Variants in COL24A1 observed in about 807,000 individuals in gnomAD.
COL24A1 encodes collagen alpha-1(XXIV) chain.
Under a neutral mutation model 253.9 loss-of-function variants are expected in COL24A1, and 224 were observed. The observed-to-expected ratio is 0.88, with a 90% CI of 0.79 to 0.99. The LOEUF is 0.99. Ranked by LOEUF, COL24A1 falls within the 50% of genes least tolerant of loss-of-function variation. COL24A1 has a pLI of 0.00. For missense variants in COL24A1, 2,131 were observed against 2,068.5 expected, an observed-to-expected ratio of 1.03 and a Z score of -0.59; for synonymous variants, 685 against 673.7, an observed-to-expected ratio of 1.02 and a Z score of -0.26.
rs774839476 is a variant in COL24A1, at chr1:85,740,953, CA to C, written c.4673-3449del. On this transcript the variant is annotated intron_variant, in intron 57 of 59. Transcript: ENST00000370571. ...TGAAACCCTGTCTCTTCTAAAAATA[CA>C]AAAAAAAAAAAAAAATTAGCTGGGC... is the stretch of plus-strand genomic sequence containing the variant. 1.9e-3 allele frequency among the ~76,000 whole-genome samples: 156 copies of C among 83,032 alleles called. 4 individuals are homozygous for C. The highest frequency in any genetic ancestry group is 6.4e-3 in the African/African-American group (142 of 22,328). The allele number at this position is 83,032 out of a possible 152,430, so 54.5% of individuals were successfully genotyped here. A position where few individuals can be genotyped will look rare whatever the true frequency, so the allele number is the denominator to read the frequency against.
intron 35 of COL24A1, among the ~76,000 whole-genome samples, chr1:85,872,634 T>C (rs758068082): frequency 2.6e-5 from 4 of 152,134 alleles, no homozygotes; most frequent in Non-Finnish European, 5.9e-5. Flanking sequence ...TGGCTAGCCA[T>C]ATGTAGAAAG....
At chr1:86,009,581 T>C (rs554021544) in intron 19 of COL24A1, among the ~76,000 whole-genome samples, 1 of 152,172 alleles carries the variant, frequency 6.6e-6, no homozygotes, top group South Asian at 2.1e-4. Context: ...AATGGTACAG[T>C]AAAAATGTAG....
chr1:85,775,270 T>C (rs1668421547), intron 53 of COL24A1, among the ~76,000 whole-genome samples: 4 of 152,190 alleles, frequency 2.6e-5, no homozygotes, highest in South Asian at 4.1e-4. Flanking sequence ...TTACATTTGC[T>C]GAGGAGTGTT....
At position 86,031,897 on chromosome 1, in the gene COL24A1, G is replaced by A. The variant is rs762501445; in HGVS notation, c.2030C>T (p.Pro677Leu). The part of the protein sequence containing the change: ...SPGLVGGTGP[P>L]GFPGLRGSVG... ...ACTCACTCTAAGCCCAGGAAACCCC[G>A]GAGGACCAGTGCCACCTACAAGTCC... Residue 677 changes from proline (P) to leucine (L), a missense_variant, in exon 14 of 60, where the codon CCG (proline) becomes CTG (leucine). Pro to Leu is a moderately conservative substitution (Grantham distance 98). Coordinates refer to ENST00000370571, the MANE Select transcript of COL24A1 (RefSeq NM_152890.7). 5.5e-5 allele frequency: 89 copies of A among 1,607,866 alleles called. No homozygotes were observed. The highest frequency in any genetic ancestry group is 2.5e-4 in the East Asian group (11 of 44,556).
At chr1:85,784,434 A>G in intron 48 of COL24A1, 68 bp from the exon 49 acceptor site, 1 of 1,156,914 alleles carries the variant, frequency 8.6e-7, no homozygotes, top group Non-Finnish European at 1.3e-6. Flanking sequence ...TTTGAATGAA[A>G]CCCAAATACA....
intron 27 of COL24A1, among the ~76,000 whole-genome samples, chr1:85,907,988 T>C (rs895128505): frequency 3.3e-5 from 5 of 151,656 alleles, no homozygotes; most frequent in African/African-American, 1.2e-4. Context: ...TACTAGAAAA[T>C]TGGGCTTATT....
At chr1:86,045,835 C>T (rs1429920573) in intron 12 of COL24A1, 1 of 438,666 alleles carries the variant, frequency 2.3e-6, no homozygotes, top group Non-Finnish European at 4.6e-6. Flanking sequence ...AACTGTATCT[C>T]ATTTTGGCCA....
intron 47 of COL24A1, among the ~76,000 whole-genome samples, chr1:85,798,891 TA>T (rs1671104722): frequency 1.3e-5 from 2 of 152,090 alleles, no homozygotes; most frequent in African/African-American, 4.8e-5. Flanking sequence ...AATAAAAAAA[TA>T]AAAAGACTGG....
At chr1:85,821,137 A>T (rs1295867968) in intron 45 of COL24A1, among the ~76,000 whole-genome samples, 1 of 152,170 alleles carries the variant, frequency 6.6e-6, no homozygotes, top group African/African-American at 2.4e-5. Context: ...GGTCTTTGAG[A>T]GTCATTATAG....
chr1:85,967,850 G>A (rs1427123297), intron 22 of COL24A1, among the ~76,000 whole-genome samples: 1 of 152,194 alleles, frequency 6.6e-6, no homozygotes, highest in African/African-American at 2.4e-5. Flanking sequence ...AATACTTAGT[G>A]TCAACTTGAT....
intron 8 of COL24A1, among the ~76,000 whole-genome samples, chr1:86,062,171 C>G (rs945729604): frequency 6.6e-6 from 1 of 151,924 alleles, no homozygotes; most frequent in Non-Finnish European, 1.5e-5. Flanking sequence ...TATAGTTTGG[C>G]AAATAATAAG....
At chr1:85,785,933 C>G (rs891506080) in intron 48 of COL24A1, among the ~76,000 whole-genome samples, 2 of 152,114 alleles carry the variant, frequency 1.3e-5, no homozygotes, top group African/African-American at 4.8e-5. Flanking sequence ...CACATTAACT[C>G]TAAGAAACAG....
intron 5 of COL24A1, among the ~76,000 whole-genome samples, chr1:86,097,468 C>G (rs1230501916): frequency 1.1e-4 from 4 of 35,348 alleles, no homozygotes; most frequent in South Asian, 1.5e-3. Context: ...TTCCTCCCTC[C>G]TCCTCCTCCC....
Position 85,991,858 on chromosome 1 carries a change from TA to T in COL24A1, c.2311-4205del, listed in dbSNP as rs557041692. 4.8e-3 allele frequency among the ~76,000 whole-genome samples: 733 copies of T among 151,456 alleles called. 3 individuals are homozygous for T. Among genetic ancestry groups the T allele is most frequent in the African/African-American group, 0.014 (570 of 41,126 alleles). ...GCTAACAAATATATAAGCACAAGTT[TA>T]TTTTTTATTTTTTATTTTTATTGGC... On this transcript the variant is annotated intron_variant, in intron 19 of 59. Transcript: ENST00000370571.
chr1:85,800,584 G>A (rs1013135436), intron 47 of COL24A1, among the ~76,000 whole-genome samples: 30 of 152,272 alleles, frequency 2.0e-4, no homozygotes, highest in African/African-American at 7.2e-4. Context: ...TGGAAAATGA[G>A]CAGAATTAAA....
intron 32 of COL24A1, among the ~76,000 whole-genome samples, chr1:85,877,643 A>G (rs12725203): frequency 0.21 from 32,553 of 152,230 alleles, 3,832 homozygotes; most frequent in Non-Finnish European, 0.24. Context: ...GATTACAGGC[A>G]TGAGCCACTG....
chr1:86,044,242 T>C (rs544747942), intron 12 of COL24A1, among the ~76,000 whole-genome samples: 1 of 152,314 alleles, frequency 6.6e-6, no homozygotes, highest in East Asian at 1.9e-4. Context: ...TGAAGATGAT[T>C]TTATTTATAA....
At chr1:85,834,027 T>C (rs1168680220) in intron 43 of COL24A1, among the ~76,000 whole-genome samples, 1 of 149,942 alleles carries the variant, frequency 6.7e-6, no homozygotes, top group African/African-American at 2.5e-5. Flanking sequence ...AATGATGAGT[T>C]AATGGGTGCA....
At chr1:85,848,707 T>C (rs958178926) in intron 38 of COL24A1, among the ~76,000 whole-genome samples, 1 of 152,178 alleles carries the variant, frequency 6.6e-6, no homozygotes, top group Non-Finnish European at 1.5e-5. Flanking sequence ...TGTTCTATTA[T>C]TGATAAACAA....
Sources: allele counts gnomAD v4.1 joint callset (sites outside exome capture counted in the v4.1 genomes callset), GRCh38; gene constraint gnomAD v4.1.1; transcripts MANE v1.5; gene names NCBI Gene and HGNC (gene_info 2026-07-23, HGNC 2026-07-21).